Variants in ADCY1 observed in about 807,000 individuals in gnomAD.
The protein encoded by ADCY1 is adenylate cyclase type 1.
In ADCY1, 28 loss-of-function variants were observed where a neutral mutation model predicts 105.4. The ratio of observed to expected loss-of-function variants is 0.27; its 90% CI spans 0.20 to 0.36. The LOEUF (loss-of-function observed/expected upper bound fraction) is 0.36. Among genes scored for constraint, ADCY1 ranks in the 10% least tolerant of loss-of-function variants. ADCY1 has a pLI of 1.00. For missense variants in ADCY1, 977 were observed against 1,434.2 expected (o/e 0.68, Z 5.15); for synonymous variants, 655 against 623.8 (o/e 1.05, Z -0.75).
At position 45,713,761 on chromosome 7, in the gene ADCY1, T is replaced by C; in HGVS notation, c.3126T>C (p.Ser1042=). Residue 1042 remains serine, a synonymous_variant, in exon 20 of 20, where the codon AGT becomes AGC. Coordinates refer to ENST00000297323, the MANE Select transcript of ADCY1 (RefSeq NM_021116.4). ...PYHFVCRGKV[S]VKGKGEMLTY... is the part of the protein sequence containing the mutation. ...ACTTTGTGTGCCGAGGCAAAGTCAG[T>C]GTCAAGGGCAAAGGCGAGATGTTGA... The C allele has an allele frequency of 1.3e-6, 1 of 780,842 alleles. No homozygotes were observed. Among genetic ancestry groups the C allele is most frequent in the Non-Finnish European group, 2.4e-6 (1 of 418,136 alleles). The allele number at this position is 780,842 out of a possible 1,614,324, so 48.4% of individuals were successfully genotyped here. A position where few individuals can be genotyped will look rare whatever the true frequency, so the allele number is the denominator to read the frequency against.
rs763194212 is a variant in ADCY1, at chr7:45,575,004, G to T, written c.461G>T (p.Gly154Val). The T allele has an allele frequency of 8.7e-6, 14 of 1,611,258 alleles. No homozygotes were observed. The East Asian group carries it at 2.9e-4, about 33-fold the overall frequency. The part of the protein sequence containing the change: ...GPARGSAGAA[G>V]GPATAEQGVW... ...GCCCGGGGTTCCGCCGGGGCCGCTG[G>T]GGGGCCAGCGACCGCCGAACAAGGG... Residue 154 changes from glycine to valine, a missense_variant, in exon 1 of 20, where the codon GGG (glycine) becomes GTG (valine). Coordinates refer to ENST00000297323, the MANE Select transcript of ADCY1 (RefSeq NM_021116.4). The surrounding 1 kb of genome is among the most constrained non-coding windows in gnomAD (Gnocchi z 4.7).
chr7:45,575,246 G>T lies in ADCY1; in HGVS notation c.639+64G>T. 1 of 1,507,142 alleles carries T rather than the reference G, an allele frequency of 6.6e-7. No homozygotes were observed. Among genetic ancestry groups the T allele is most frequent in the South Asian group, 1.3e-5 (1 of 74,848 alleles). The allele number at this position is 1,507,142 out of a possible 1,614,324, so 93.4% of individuals were successfully genotyped here. A position where few individuals can be genotyped will look rare whatever the true frequency, so the allele number is the denominator to read the frequency against. ...CACTTGCTGGGACGATGCTGGGAAT[G>T]CCCGGAGTCGGGCGCGCTTTTTCCT... is the stretch of plus-strand genomic sequence containing the variant. On this transcript the variant is annotated intron_variant, in intron 1 of 19. Coordinates refer to ENST00000297323, the MANE Select transcript of ADCY1 (RefSeq NM_021116.4). The surrounding 1 kb of genome is among the most constrained non-coding windows in gnomAD (Gnocchi z 4.7).
intron 19 of ADCY1, among the ~76,000 whole-genome samples, chr7:45,712,770 C>T (rs1208446925): frequency 1.3e-5 from 2 of 152,176 alleles, no homozygotes; most frequent in South Asian, 2.1e-4. Context: ...TCCAACATAA[C>T]GCAGAGATAC....
chr7:45,581,613 G>C (rs1792545800), intron 1 of ADCY1, among the ~76,000 whole-genome samples: 1 of 152,086 alleles, frequency 6.6e-6, no homozygotes, highest in South Asian at 2.1e-4. Flanking sequence ...CAGGGGCAAT[G>C]GTTTGGGCAG....
At position 45,703,776 on chromosome 7, in the gene ADCY1, G is replaced by A. The variant is rs199738807; in HGVS notation, c.2718+30G>A. The A allele has an allele frequency of 9.1e-6, 14 of 1,543,728 alleles. 1 individual carries two copies. The African/African-American group carries it at 1.2e-4, about 14-fold the overall frequency. On this transcript the variant is annotated intron_variant, in intron 16 of 19. Transcript: ENST00000297323. The surrounding 1 kb of genome is among the most constrained non-coding windows in gnomAD (Gnocchi z 5.9). ...GGCTGTGCGTCGCCATCCTGACCCC[G>A]CCTGGTTGTGGTGGTGCATCCTGTT... is the stretch of plus-strand genomic sequence containing the variant.
intron 4 of ADCY1, among the ~76,000 whole-genome samples, chr7:45,640,338 G>A (rs1794500793): frequency 6.6e-6 from 1 of 152,194 alleles, no homozygotes; most frequent in African/African-American, 2.4e-5. Flanking sequence ...GTTTTTAAAG[G>A]CAGGGGTAAA....
At chr7:45,700,385 G>A (rs1784974404) in intron 14 of ADCY1, among the ~76,000 whole-genome samples, 1 of 152,200 alleles carries the variant, frequency 6.6e-6, no homozygotes. Flanking sequence ...AGCTGAACAT[G>A]AAGCAATTCA....
intron 3 of ADCY1, among the ~76,000 whole-genome samples, chr7:45,615,620 A>G (rs571606613): frequency 6.6e-5 from 10 of 152,306 alleles, no homozygotes; most frequent in African/African-American, 2.4e-4. Flanking sequence ...AAAACAAACA[A>G]ACAAAAAAAC....
intron 8 of ADCY1, among the ~76,000 whole-genome samples, chr7:45,675,300 C>G (rs1033371863): frequency 1.3e-5 from 2 of 152,118 alleles, no homozygotes; most frequent in African/African-American, 4.8e-5. Flanking sequence ...AACTTTACCT[C>G]TTTTTCAGTC....
intron 3 of ADCY1, among the ~76,000 whole-genome samples, chr7:45,613,756 A>C (rs1416877411): frequency 6.6e-6 from 1 of 152,194 alleles, no homozygotes; most frequent in Non-Finnish European, 1.5e-5. Context: ...CAAAGGGAGA[A>C]TTTTGAAAAC....
intron 8 of ADCY1, among the ~76,000 whole-genome samples, chr7:45,669,915 G>A (rs1169958851): frequency 6.6e-6 from 1 of 152,000 alleles, no homozygotes; most frequent in Non-Finnish European, 1.5e-5. Flanking sequence ...ATTGCAATAG[G>A]GTGGGCATTC....
chr7:45,579,348 C>T (rs1792450675), intron 1 of ADCY1, among the ~76,000 whole-genome samples: 1 of 152,124 alleles, frequency 6.6e-6, no homozygotes, highest in Admixed American at 6.5e-5. Context: ...CTGGCCCTAC[C>T]TCCCCTGCTG....
chr7:45,624,027 C>T (rs927865338), intron 4 of ADCY1, among the ~76,000 whole-genome samples: 2 of 152,150 alleles, frequency 1.3e-5, no homozygotes, highest in African/African-American at 2.4e-5. Context: ...GAGGAAGGGG[C>T]AGTGAGCTCT....
chr7:45,652,759 G>A (rs552445085), intron 5 of ADCY1, among the ~76,000 whole-genome samples: 1 of 152,308 alleles, frequency 6.6e-6, no homozygotes, highest in East Asian at 1.9e-4. Flanking sequence ...GAAGTGCAGG[G>A]TGGGGCATCT....
intron 5 of ADCY1, 23 bp downstream of exon 5, chr7:45,648,820 A>G (rs1794738062): frequency 6.2e-7 from 1 of 1,611,076 alleles, no homozygotes; most frequent in East Asian, 2.2e-5. Flanking sequence ...TGGGGCTGAG[A>G]GGAGTGGCCT....
chr7:45,614,453 A>G (rs2115888645), intron 3 of ADCY1, among the ~76,000 whole-genome samples: 1 of 152,322 alleles, frequency 6.6e-6, no homozygotes, highest in South Asian at 2.1e-4. Context: ...ACATAACACA[A>G]AGGAATGCAG....
At chr7:45,646,148 G>A (rs762110741) in intron 4 of ADCY1, among the ~76,000 whole-genome samples, 3 of 152,098 alleles carry the variant, frequency 2.0e-5, no homozygotes, top group Admixed American at 1.3e-4. Flanking sequence ...AGCACACCAG[G>A]GCAGTGCCAA....
chr7:45,610,839 T>A (rs61232298), intron 3 of ADCY1, among the ~76,000 whole-genome samples: 33 of 101,926 alleles, frequency 3.2e-4, no homozygotes, highest in South Asian at 6.8e-4. Flanking sequence ...AGTGGAGGTG[T>A]GGAGGCGATA....
At chr7:45,642,280 G>A (rs1306804025) in intron 4 of ADCY1, among the ~76,000 whole-genome samples, 1 of 152,204 alleles carries the variant, frequency 6.6e-6, no homozygotes, top group Non-Finnish European at 1.5e-5. Context: ...TTTGAATAAT[G>A]TGCATGGGCT....
Sources: allele counts gnomAD v4.1 joint callset (sites outside exome capture counted in the v4.1 genomes callset), GRCh38; gene constraint gnomAD v4.1.1; non-coding constraint Gnocchi (gnomAD v3.1); transcripts MANE v1.5; gene names NCBI Gene and HGNC (gene_info 2026-07-23, HGNC 2026-07-21).